The following SP6 variants were observed in gnomAD, a reference collection of about 807,000 sequenced individuals.
SP6 encodes Sp6 transcription factor.
Under a neutral mutation model 23.4 loss-of-function variants are expected in SP6, and 10 were observed. That is an observed-to-expected ratio of 0.43 (90% CI 0.26 to 0.72). The LOEUF (loss-of-function observed/expected upper bound fraction) is 0.72. SP6 is among the 30% of genes least tolerant of loss of function. SP6 has a pLI of 0.23. For missense variants in SP6, 482 were observed against 523.8 expected (o/e 0.92, Z 0.78); for synonymous variants, 238 against 238.7 (o/e 1.00, Z 0.03).
rs778017166 is a variant in SP6 at position 47,847,788 on chromosome 17, G to A, written c.642C>T (p.Gly214=). 6.5e-7 allele frequency: 1 copy of A among 1,544,312 alleles called. No individual in the cohort carries two copies. The highest frequency in any genetic ancestry group is 1.3e-5 in the South Asian group (1 of 79,796). The change falls in exon 2 of 2, where the codon GGC becomes GGT. Residue 214 remains glycine, a synonymous_variant. Coordinates refer to ENST00000536300, the MANE Select transcript of SP6 (RefSeq NM_001258248.2). The stretch of plus-strand genomic sequence containing the variant: ...AGCTGCGGGGCACCGACCGCCGGGA[G>A]CCTTTGGGACGCGCCGCCCCGTCCA... ...SSLDGAARPK[G]SRRSVPRSSG... is the part of the protein sequence containing the mutation.
upstream of SP6, among the ~76,000 whole-genome samples, chr17:47,857,012 A>G (rs919019118): frequency 2.0e-4 from 31 of 151,916 alleles, no homozygotes; most frequent in Non-Finnish European, 4.3e-4. Flanking sequence ...TCCTCTCCCC[A>G]TTTCAGAGAT....
chr17:47,868,791 T>C, the SP6 span, among the ~76,000 whole-genome samples: 3 of 151,894 alleles, frequency 2.0e-5, no homozygotes, highest in Admixed American at 1.3e-4. Context: ...AGGAGAAGGG[T>C]TCCTGAGGTA....
At position 47,847,654 on chromosome 17, in the gene SP6, G is replaced by A. The variant is rs553935020; in HGVS notation, c.776C>T (p.Pro259Leu). The change falls in exon 2 of 2, where the codon CCG becomes CTG. Residue 259 changes from proline (P) to leucine (L), a missense_variant. Pro to Leu is a moderately conservative substitution (Grantham distance 98, BLOSUM62 -3). Coordinates refer to ENST00000536300, the MANE Select transcript of SP6 (RefSeq NM_001258248.2). The stretch of plus-strand genomic sequence containing the variant: ...CTTGGCGTAGGCTTTCCCGCAGCCC[G>A]GGATGTGGCAGTTGTGCAAATGCTT... ...KKKHLHNCHI[P>L]GCGKAYAKTS... 2 of 1,612,842 alleles carry A rather than the reference G, an allele frequency of 1.2e-6. No homozygotes were observed. The highest frequency in any genetic ancestry group is 2.2e-5 in the East Asian group (1 of 44,874).
At chr17:47,860,027 A>G (rs2034024535), upstream of SP6, among the ~76,000 whole-genome samples, 1 of 152,132 alleles carries the variant, frequency 6.6e-6, no homozygotes, top group Admixed American at 6.5e-5. Context: ...GCTCAAAAAC[A>G]TTCAATAGCC....
the SP6 span, among the ~76,000 whole-genome samples, chr17:47,866,273 G>A: frequency 3.9e-5 from 6 of 152,160 alleles, no homozygotes; most frequent in African/African-American, 1.4e-4. Flanking sequence ...GAGAGGGAGG[G>A]CAGGGAAGAA....
At chr17:47,860,008 C>T (rs553579569), upstream of SP6, among the ~76,000 whole-genome samples, 2 of 152,260 alleles carry the variant, frequency 1.3e-5, no homozygotes, top group South Asian at 2.1e-4. Context: ...CCAGTCATGT[C>T]GTGCCTCAGC....
chr17:47,875,988 G>A, the SP6 span, among the ~76,000 whole-genome samples: 4 of 152,202 alleles, frequency 2.6e-5, no homozygotes, highest in Non-Finnish European at 5.9e-5. Flanking sequence ...GAACTGAGGA[G>A]CCTCCCCTGT....
At chr17:47,870,945 C>T in the SP6 span, among the ~76,000 whole-genome samples, 1 of 152,272 alleles carries the variant, frequency 6.6e-6, no homozygotes, top group East Asian at 1.9e-4. Context: ...CTCCCTGCCC[C>T]CAAACTCATC....
the SP6 span, among the ~76,000 whole-genome samples, chr17:47,868,336 G>A: frequency 1.3e-5 from 2 of 152,232 alleles, no homozygotes; most frequent in Non-Finnish European, 2.9e-5. Context: ...GTGTTTACAA[G>A]GTGGCGGGAG....
chr17:47,871,473 A>G, the SP6 span, among the ~76,000 whole-genome samples: 7 of 152,206 alleles, frequency 4.6e-5, no homozygotes, highest in African/African-American at 1.7e-4. Flanking sequence ...TTCTGTGATT[A>G]TAATTGTTTG....
chr17:47,859,105 C>G (rs572002628), upstream of SP6, among the ~76,000 whole-genome samples: 1 of 152,232 alleles, frequency 6.6e-6, no homozygotes, highest in East Asian at 1.9e-4. Context: ...TCCATCTTGG[C>G]ACTTCCCATC....
upstream of SP6, among the ~76,000 whole-genome samples, chr17:47,853,172 G>A (rs1227763216): frequency 6.6e-6 from 1 of 152,194 alleles, no homozygotes; most frequent in Non-Finnish European, 1.5e-5. Context: ...CCTGACATCG[G>A]GGGATTGAGA....
At chr17:47,872,263 G>A in the SP6 span, among the ~76,000 whole-genome samples, 4 of 152,162 alleles carry the variant, frequency 2.6e-5, no homozygotes, top group African/African-American at 9.7e-5. Context: ...CAGAGGTCCG[G>A]GTTGGGGATG....
Position 47,848,043 on chromosome 17 carries a change from C to T in SP6, c.387G>A (p.Trp129Ter). 5 of 1,612,506 alleles carry T rather than the reference C, an allele frequency of 3.1e-6. No homozygotes were observed. The highest frequency in any genetic ancestry group is 4.2e-6 in the Non-Finnish European group (5 of 1,179,672). ...CGCCCTGAGTGTGGGGGAGGTCCAT[C>T]CAGCTGGTGCCCGGATGAAGGTCCC... Reference protein sequence around the residue: ...SWWDLHPGTSWMDLPHTQGAL... With the variant: ...SWWDLHPGTS Residue 129 changes from tryptophan (W) to a stop codon, truncating the protein, a stop_gained, in exon 2 of 2, where the codon TGG becomes TGA. Coordinates refer to ENST00000536300, the MANE Select transcript of SP6 (RefSeq NM_001258248.2). LOFTEE classifies it high-confidence loss of function. This position sits in a 1 kb window ranked among gnomAD's most constrained non-coding sequence, Gnocchi z 5.3.
Position 47,845,959 on chromosome 17 carries a change from CT to C in SP6, c.*1339del, listed in dbSNP as rs1309472682. 6.6e-6 allele frequency: 1 copy of C among 152,168 alleles called. No individual in the cohort carries two copies. The highest frequency in any genetic ancestry group is 1.5e-5 in the Non-Finnish European group (1 of 68,036). The allele number at this position is 152,168 out of a possible 1,614,324, so 9.4% of individuals were successfully genotyped here. On this transcript the variant is annotated 3_prime_UTR_variant, in exon 2 of 2. Coordinates refer to ENST00000536300, the MANE Select transcript of SP6 (RefSeq NM_001258248.2). Reference sequence around the variant, plus strand: ...TCTGCCTGGCTCAGCTTCTGCTGGGCTTCTCCCCTCCCTCCTTTCCTCTCTC... The same window carrying C: ...TCTGCCTGGCTCAGCTTCTGCTGGGCTCTCCCCTCCCTCCTTTCCTCTCTC...
At position 47,844,966 on chromosome 17, in the gene SP6, AC is replaced by A. The variant is rs1160791846; in HGVS notation, c.*2332del. On this transcript the variant is annotated 3_prime_UTR_variant, in exon 2 of 2. Transcript: ENST00000536300. ...ACACAGGCTGTTTCTCCCTCCTCCT[AC>A]CCCCTCAAAGTGAGTTCACAGCAGT... 1 of 152,236 alleles carries A rather than the reference AC, an allele frequency of 6.6e-6. No individual in the cohort carries two copies. The highest frequency in any genetic ancestry group is 1.5e-5 in the Non-Finnish European group (1 of 67,966). 9.4% of individuals were successfully genotyped at this position (152,236 alleles called of 1,614,324 possible).
At chr17:47,857,445 G>A (rs1199007811), upstream of SP6, among the ~76,000 whole-genome samples, 5 of 152,088 alleles carry the variant, frequency 3.3e-5, no homozygotes, top group Non-Finnish European at 7.3e-5. Flanking sequence ...TCTTTCAATC[G>A]GTTCCATATG....
At chr17:47,874,918 G>A in the SP6 span, among the ~76,000 whole-genome samples, 1 of 152,070 alleles carries the variant, frequency 6.6e-6, no homozygotes, top group South Asian at 2.1e-4. Context: ...CCCTCCACCT[G>A]CCCAAACCTG....
the SP6 span, among the ~76,000 whole-genome samples, chr17:47,868,475 A>G: frequency 6.6e-6 from 1 of 152,148 alleles, no homozygotes; most frequent in African/African-American, 2.4e-5. Context: ...GGGGGCACTG[A>G]GCCTTCCCAC....
Sources: gnomAD v4.1 joint callset for allele counts (sites outside exome capture counted in the v4.1 genomes callset) on GRCh38, gnomAD v4.1.1 for gene constraint, Gnocchi (gnomAD v3.1) non-coding constraint, MANE v1.5 for transcripts, NCBI Gene and HGNC (gene_info 2026-07-23, HGNC 2026-07-21) for gene names.